The following TENT5D variants were observed in gnomAD, a reference collection of about 807,000 sequenced individuals.
The protein encoded by TENT5D is terminal nucleotidyltransferase 5D.
For synonymous variants in TENT5D, 103 were observed against 100.6 expected (o/e 1.02, Z -0.15); for missense variants, 191 against 287.0 (o/e 0.67, Z 2.42).
chrX:80,405,150 CAGTG>C (rs761704615), intron 3 of TENT5D, among the ~76,000 whole-genome samples: 27 of 112,188 alleles, frequency 2.4e-4, no homozygotes, highest in African/African-American at 6.8e-4. Context: ...AAACTGAAAA[CAGTG>C]AGACACAATA....
At chrX:80,389,014 G>C (rs763037550) in intron 3 of TENT5D, among the ~76,000 whole-genome samples, 2 of 111,627 alleles carry the variant, frequency 1.8e-5, no homozygotes, top group Non-Finnish European at 3.8e-5. Context: ...TCTGCTGTGA[G>C]AGGGCAGCAC....
chrX:80,348,240 C>T (rs1425272847), intron 3 of TENT5D, among the ~76,000 whole-genome samples: 1 of 111,904 alleles, frequency 8.9e-6, no homozygotes, highest in Non-Finnish European at 1.9e-5. Context: ...ACCCTTGAAT[C>T]TGTAAATTAC....
chrX:80,365,351 T>C (rs1930486146), intron 3 of TENT5D, among the ~76,000 whole-genome samples: 1 of 111,744 alleles, frequency 8.9e-6, no homozygotes, highest in African/African-American at 3.3e-5. Flanking sequence ...AAGAAGCTTA[T>C]TGTTTATGGA....
intron 3 of TENT5D, among the ~76,000 whole-genome samples, chrX:80,401,990 T>A (rs1214591321): frequency 8.9e-6 from 1 of 111,939 alleles, no homozygotes; most frequent in Non-Finnish European, 1.9e-5. Flanking sequence ...GTTCTTTAAA[T>A]GTTTGGTAAA....
At chrX:80,428,064 A>G (rs1163486879) in intron 1 of TENT5D, among the ~76,000 whole-genome samples, 2 of 112,811 alleles carry the variant, frequency 1.8e-5, no homozygotes, top group African/African-American at 6.4e-5. Context: ...ATTATTTTTT[A>G]TTAATTAAAA....
In TENT5D at chrX:80,409,941, C is replaced by T. The variant is rs1931607184; in HGVS notation, c.-141-28669C>T. ...AGAACAGAGCCCTCAGAAATAACAC[C>T]GCATATCTACAACTATCTGATCTTT... is the stretch of plus-strand genomic sequence containing the variant. On this transcript the variant is annotated intron_variant, in intron 3 of 4. Transcript: ENST00000538312. 1.8e-5 allele frequency among the ~76,000 whole-genome samples: 2 copies of T among 108,928 alleles called. 1 individual carries two copies. Among genetic ancestry groups the T allele is most frequent in the Admixed American group, 2.0e-4 (2 of 10,161 alleles). 94.6% of individuals were successfully genotyped at this position (108,928 alleles called of 115,157 possible).
chrX:80,443,915 A>C, exon 3 of TENT5D: 1 of 346,750 alleles, frequency 2.9e-6, no homozygotes, highest in Non-Finnish European at 5.1e-6. Flanking sequence ...ACCACTTTAA[A>C]TGTTTTTCAA....
At position 80,376,713 on chromosome X, in the gene TENT5D, C is replaced by A. The variant is rs189972193; in HGVS notation, c.-142+34149C>A. On this transcript the variant is annotated intron_variant, in intron 3 of 4. Coordinates refer to the TENT5D transcript ENST00000538312. ...AAGGAATAAAATTTAATCTTATATT[C>A]TCTAATCAGAAAGTCCCATAGAAAA... 5.2e-3 allele frequency among the ~76,000 whole-genome samples: 579 copies of A among 111,267 alleles called. 5 individuals carry two copies. The highest frequency in any genetic ancestry group is 0.017 in the African/African-American group (512 of 30,768).
chrX:80,436,548 C>T (rs755824627), intron 1 of TENT5D, among the ~76,000 whole-genome samples: 6 of 110,292 alleles, frequency 5.4e-5, no homozygotes, highest in Non-Finnish European at 7.6e-5. Context: ...CCTAGCCCCC[C>T]AACCCCGATA....
At chrX:80,443,372 A>C (rs1569377132) in exon 3 of TENT5D, 2 of 1,211,159 alleles carry the variant, frequency 1.7e-6, no homozygotes, top group Non-Finnish European at 2.2e-6. Context: ...GAACAGCAAA[A>C]GAAAATTGAA....
chrX:80,361,130 G>A (rs767675121), intron 3 of TENT5D, among the ~76,000 whole-genome samples: 1 of 111,841 alleles, frequency 8.9e-6, no homozygotes, highest in South Asian at 3.7e-4. Context: ...CCTCATCACC[G>A]TCCTCTCATA....
chrX:80,434,215 A>G (rs1281939734), intron 1 of TENT5D, among the ~76,000 whole-genome samples: 2 of 109,981 alleles, frequency 1.8e-5, no homozygotes, highest in Non-Finnish European at 3.8e-5. Context: ...AGTAAAAAAA[A>G]AAAAAAGACA....
chrX:80,409,470 G>A (rs897866064), intron 3 of TENT5D, among the ~76,000 whole-genome samples: 2 of 110,971 alleles, frequency 1.8e-5, no homozygotes, highest in African/African-American at 6.6e-5. Context: ...CAAATAGAGA[G>A]CCAAATGAGT....
At chrX:80,350,229 C>G (rs765560171) in intron 3 of TENT5D, among the ~76,000 whole-genome samples, 1 of 110,918 alleles carries the variant, frequency 9.0e-6, no homozygotes, top group Non-Finnish European at 1.9e-5. Context: ...GTTGATCTGC[C>G]TAATATTGAC....
chrX:80,411,915 C>G (rs957279539), intron 3 of TENT5D, among the ~76,000 whole-genome samples: 7 of 112,017 alleles, frequency 6.2e-5, no homozygotes, highest in Non-Finnish European at 1.1e-4. Flanking sequence ...CATCTTCTCA[C>G]AGCTCCACTA....
chrX:80,399,224 C>T (rs1480120824), intron 3 of TENT5D, among the ~76,000 whole-genome samples: 2 of 111,840 alleles, frequency 1.8e-5, no homozygotes, highest in Non-Finnish European at 3.8e-5. Flanking sequence ...TGTTTTTCTA[C>T]TAGTTGTCTT....
At position 80,337,419 on chromosome X, in the gene TENT5D, G is replaced by A. The variant is rs957585603; in HGVS notation, c.-207+1703G>A. Among the ~76,000 whole-genome samples the A allele has an allele frequency of 1.0e-3, 112 of 111,475 alleles. 1 individual carries two copies. The highest frequency in any genetic ancestry group is 1.8e-3 in the Non-Finnish European group (94 of 53,031). ...TCTTGAATTTATGTATAATTTTTCT[G>A]TTTTATAGTTGTGCTATAGTATTTG... is the stretch of plus-strand genomic sequence containing the variant. On this transcript the variant is annotated intron_variant, in intron 2 of 4. Transcript: ENST00000538312.
intron 3 of TENT5D, among the ~76,000 whole-genome samples, chrX:80,383,889 C>A (rs745775622): frequency 9.0e-6 from 1 of 111,134 alleles, no homozygotes; most frequent in Non-Finnish European, 1.9e-5. Flanking sequence ...CTGAAAAGAC[C>A]AATAACAGGC....
intron 3 of TENT5D, among the ~76,000 whole-genome samples, chrX:80,366,124 A>G: frequency 9.1e-6 from 1 of 109,961 alleles, no homozygotes; most frequent in South Asian, 3.9e-4. Context: ...AGAAAAGTTG[A>G]CAGTATTGAC....
Sources: gnomAD v4.1 joint callset for allele counts (sites outside exome capture counted in the v4.1 genomes callset) on GRCh38, gnomAD v4.1.1 for gene constraint, MANE v1.5 for transcripts, NCBI Gene and HGNC (gene_info 2026-07-23, HGNC 2026-07-21) for gene names.